RLF: variants seen among roughly 807,000 people sequenced by gnomAD.
The protein encoded by RLF is zinc finger protein Rlf.
A neutral mutation model predicts 162.9 loss-of-function variants in RLF; 7 were observed. That is an observed-to-expected ratio of 0.04 (90% CI 0.02 to 0.08). RLF has a LOEUF of 0.08. Among genes scored for constraint, RLF ranks in the 10% least tolerant of loss-of-function variants. RLF has a pLI of 1.00. For synonymous variants in RLF, 782 were observed against 791.5 expected (o/e 0.99, Z 0.20); for missense variants, 1,664 against 2,244.7 (o/e 0.74, Z 5.23).
intron 4 of RLF, among the ~76,000 whole-genome samples, chr1:40,196,742 C>T (rs1321288445): frequency 6.6e-6 from 1 of 152,128 alleles, no homozygotes; most frequent in Non-Finnish European, 1.5e-5. Flanking sequence ...CTCAAGAGAT[C>T]CTCCTGCCTT....
At chr1:40,176,126 ATTTG>A (rs758636020) in intron 1 of RLF, among the ~76,000 whole-genome samples, 12 of 152,206 alleles carry the variant, frequency 7.9e-5, no homozygotes, top group Admixed American at 2.0e-4. Flanking sequence ...ATATATCATG[ATTTG>A]TTTATTTACC....
chr1:40,209,337 A>T (rs1642837923), intron 5 of RLF, among the ~76,000 whole-genome samples: 1 of 152,246 alleles, frequency 6.6e-6, no homozygotes, highest in African/African-American at 2.4e-5. Flanking sequence ...CAACAGTAGT[A>T]GCCGTCTCAC....
chr1:40,212,696 T>C (rs1642879016), intron 5 of RLF, among the ~76,000 whole-genome samples: 2 of 152,152 alleles, frequency 1.3e-5, no homozygotes, highest in Non-Finnish European at 2.9e-5. Context: ...ACGTGGTTGA[T>C]AGACACAATA....
At chr1:40,174,699 A>G (rs550533842) in intron 1 of RLF, among the ~76,000 whole-genome samples, 1 of 152,364 alleles carries the variant, frequency 6.6e-6, no homozygotes, top group South Asian at 2.1e-4. Flanking sequence ...GAGATTTTTA[A>G]AAACTCATTT....
chr1:40,187,137 T>C (rs1046061715), intron 1 of RLF, among the ~76,000 whole-genome samples: 7 of 152,008 alleles, frequency 4.6e-5, no homozygotes, highest in Admixed American at 2.6e-4. Flanking sequence ...GTTCAAGCGA[T>C]TTTCCTGCCT....
chr1:40,197,042 C>G (rs899038070), intron 4 of RLF, among the ~76,000 whole-genome samples: 4 of 152,132 alleles, frequency 2.6e-5, no homozygotes, highest in Non-Finnish European at 5.9e-5. Flanking sequence ...GGTCTTAGAA[C>G]TAGCCATTTG....
At chr1:40,193,632 G>A (rs1642590079) in intron 3 of RLF, among the ~76,000 whole-genome samples, 1 of 152,168 alleles carries the variant, frequency 6.6e-6, no homozygotes, top group Non-Finnish European at 1.5e-5. Context: ...AAGTCAAGCT[G>A]TTAAAGCAAA....
intron 1 of RLF, among the ~76,000 whole-genome samples, chr1:40,180,313 C>G (rs908676452): frequency 2.6e-5 from 4 of 152,106 alleles, no homozygotes; most frequent in Admixed American, 1.3e-4. Context: ...GGCTGGAGTG[C>G]AGTCACATGA....
At chr1:40,173,913 T>C (rs935723901) in intron 1 of RLF, among the ~76,000 whole-genome samples, 4 of 152,136 alleles carry the variant, frequency 2.6e-5, no homozygotes, top group African/African-American at 4.8e-5. Flanking sequence ...CCTGAAGCCA[T>C]TGGGATGTGT....
At chr1:40,176,326 G>A (rs918769408) in intron 1 of RLF, among the ~76,000 whole-genome samples, 2 of 152,222 alleles carry the variant, frequency 1.3e-5, no homozygotes, top group South Asian at 4.1e-4. Context: ...TCACATCAGC[G>A]CTGTATGAGA....
intron 1 of RLF, among the ~76,000 whole-genome samples, chr1:40,183,526 A>G (rs1642434184): frequency 2.0e-5 from 3 of 152,332 alleles, no homozygotes; most frequent in East Asian, 1.9e-4. Flanking sequence ...AATGATGACC[A>G]TGACACAACT....
chr1:40,198,726 A>G (rs1051068572), intron 4 of RLF, among the ~76,000 whole-genome samples: 6 of 152,214 alleles, frequency 3.9e-5, no homozygotes, highest in Non-Finnish European at 1.5e-5. Context: ...AGGCAAAGAA[A>G]TGCGGCAAAC....
At chr1:40,219,190 C>G (rs1228367979) in intron 5 of RLF, among the ~76,000 whole-genome samples, 1 of 152,120 alleles carries the variant, frequency 6.6e-6, no homozygotes, top group Non-Finnish European at 1.5e-5. Flanking sequence ...TTTTAATTTA[C>G]ATGAATTTTT....
chr1:40,206,864 C>G (rs890992321), intron 5 of RLF, among the ~76,000 whole-genome samples: 1 of 152,186 alleles, frequency 6.6e-6, no homozygotes, highest in South Asian at 2.1e-4. Flanking sequence ...TACCTCATGT[C>G]TGCTCTAAAT....
intron 5 of RLF, among the ~76,000 whole-genome samples, chr1:40,209,738 G>A (rs188111883): frequency 3.4e-4 from 51 of 152,188 alleles, no homozygotes; most frequent in Admixed American, 3.1e-3. Flanking sequence ...TTAGTCAGGT[G>A]TGGTGGTGTG....
intron 6 of RLF, among the ~76,000 whole-genome samples, chr1:40,230,143 C>T (rs999016371): frequency 1.3e-5 from 2 of 151,658 alleles, no homozygotes; most frequent in Non-Finnish European, 2.9e-5. Flanking sequence ...AAAAGAAAAT[C>T]ACCTTACAAG....
intron 6 of RLF, among the ~76,000 whole-genome samples, chr1:40,229,942 C>T (rs1039749118): frequency 2.0e-5 from 3 of 151,612 alleles, no homozygotes; most frequent in Non-Finnish European, 4.4e-5. Flanking sequence ...TGGAGAAACC[C>T]CATCTCTACT....
intron 3 of RLF, 57 bp from the exon 4 acceptor site, chr1:40,195,575 G>A: frequency 2.7e-6 from 4 of 1,494,428 alleles, no homozygotes; most frequent in Non-Finnish European, 3.6e-6. Context: ...TGTTGAAAAG[G>A]CAAAACTAAT....
At chr1:40,198,165 G>A (rs932671969) in intron 4 of RLF, among the ~76,000 whole-genome samples, 20 of 151,496 alleles carry the variant, frequency 1.3e-4, no homozygotes, top group Non-Finnish European at 2.1e-4. Context: ...CACCATGCCC[G>A]GCTAATTTTG....
Sources: allele counts gnomAD v4.1 joint callset (sites outside exome capture counted in the v4.1 genomes callset), GRCh38; gene constraint gnomAD v4.1.1; transcripts MANE v1.5; gene names NCBI Gene and HGNC (gene_info 2026-07-23, HGNC 2026-07-21).